TRAPPC3L: variants seen among roughly 807,000 people sequenced by gnomAD.
TRAPPC3L encodes the protein trafficking protein particle complex subunit 3L.
In TRAPPC3L, 23 loss-of-function variants were observed where a neutral mutation model predicts 23.7. That is an observed-to-expected ratio of 0.97 (90% CI 0.70 to 1.37). TRAPPC3L has a LOEUF of 1.37. TRAPPC3L is among the 40% of genes most tolerant of loss of function. The pLI, the probability that TRAPPC3L is intolerant of heterozygous loss-of-function variation, is 0.00. For synonymous variants in TRAPPC3L, 81 were observed against 77.9 expected (o/e 1.04, Z -0.21); for missense variants, 212 against 216.8 (o/e 0.98, Z 0.14).
chr6:116,511,942 G>A lies in TRAPPC3L; in HGVS notation c.241-11276C>T, dbSNP rs367981327. ...GGAGACTCTTCACAGGCTGCTGTGT[G>A]AATCCCAGGAAAATCTTTCCCAGAG... On this transcript the variant is annotated intron_variant, in intron 3 of 4. Transcript: ENST00000368602. 2.6e-4 allele frequency: 414 copies of A among 1,613,960 alleles called. 2 individuals are homozygous for A. The highest frequency in any genetic ancestry group is 1.2e-3 in the South Asian group (112 of 91,082).
intron 3 of TRAPPC3L, chr6:116,516,016 G>A (rs568261053): frequency 3.2e-6 from 5 of 1,554,246 alleles, no homozygotes; most frequent in African/African-American, 1.4e-5. Context: ...GACTCATGGT[G>A]TTGAGTGGCA....
At chr6:116,502,672 A>G (rs1456966907) in intron 3 of TRAPPC3L, among the ~76,000 whole-genome samples, 1 of 152,246 alleles carries the variant, frequency 6.6e-6, no homozygotes, top group African/African-American at 2.4e-5. Context: ...CTAACAGCAG[A>G]TTTCTTGGCA....
chr6:116,516,638 T>G (rs1489482278), intron 3 of TRAPPC3L: 1 of 143,880 alleles, frequency 7.0e-6, no homozygotes, highest in Non-Finnish European at 1.5e-5. Context: ...AACCATTTCC[T>G]ACATTCAAAA....
chr6:116,496,044 C>T lies in TRAPPC3L; in HGVS notation c.*910G>A, dbSNP rs527856764. 2 of 152,186 alleles carry T rather than the reference C, an allele frequency of 1.3e-5. No individual in the cohort carries two copies. Among genetic ancestry groups the T allele is most frequent in the Non-Finnish European group, 2.9e-5 (2 of 68,028 alleles). 9.4% of individuals were successfully genotyped at this position (152,186 alleles called of 1,614,324 possible). On this transcript the variant is annotated 3_prime_UTR_variant, in exon 5 of 5. Transcript: ENST00000368602. ...GGCTCTCTGCAGAGCCCAGTAGATT[C>T]TGGGCTGCCTTGTAGGCCGCCCTTG...
rs1005740529 is a variant in TRAPPC3L, at chr6:116,536,232, G to C, written c.240+4131C>G. The stretch of plus-strand genomic sequence containing the variant: ...AGGAATGAGACTTTATAATTAACTT[G>C]GCATCTTTTTTTTATATAAAATGCA... On this transcript the variant is annotated intron_variant, in intron 3 of 4. Transcript: ENST00000368602. Among the ~76,000 whole-genome samples, 7 of 151,992 alleles carry C rather than the reference G, an allele frequency of 4.6e-5. No homozygotes were observed. In the East Asian group the frequency reaches 1.3e-3, roughly 29 times the overall value.
chr6:116,505,692 C>G (rs1254118949), intron 3 of TRAPPC3L, among the ~76,000 whole-genome samples: 3 of 152,122 alleles, frequency 2.0e-5, no homozygotes, highest in Non-Finnish European at 2.9e-5. Flanking sequence ...TGGAACAGAA[C>G]AGAGGCCTCA....
chr6:116,543,352 A>G lies in TRAPPC3L; in HGVS notation c.91T>C (p.Cys31Arg), dbSNP rs749109693. The stretch of plus-strand genomic sequence containing the variant: ...TCTTCATCCTTCTCATAATCCTTAC[A>G]CAGCTGGGCAACCAGAGCTCCATAG... ...LTYGALVAQL[C>R]KDYEKDEDVN... is the part of the protein sequence containing the mutation. The change falls in exon 2 of 5, where the codon TGT becomes CGT. Residue 31 changes from cysteine (C) to arginine (R), a missense_variant. Cys to Arg is a radical substitution (Grantham distance 180). Transcript: ENST00000368602. The G allele has an allele frequency of 1.3e-6, 2 of 1,550,048 alleles. No homozygotes were observed. The highest frequency in any genetic ancestry group is 2.4e-5 in the South Asian group (2 of 83,968).
chr6:116,542,241 A>T (rs1773506187), intron 2 of TRAPPC3L, among the ~76,000 whole-genome samples: 1 of 152,180 alleles, frequency 6.6e-6, no homozygotes, highest in African/African-American at 2.4e-5. Flanking sequence ...ATCTATAGGT[A>T]GACAGTTGGG....
chr6:116,514,036 C>T (rs1772175342), intron 3 of TRAPPC3L, among the ~76,000 whole-genome samples: 1 of 152,100 alleles, frequency 6.6e-6, no homozygotes, highest in Admixed American at 6.6e-5. Context: ...TTCTGGTACA[C>T]AGTATTTGTT....
chr6:116,530,353 A>G (rs1417138340), intron 3 of TRAPPC3L, among the ~76,000 whole-genome samples: 2 of 152,212 alleles, frequency 1.3e-5, no homozygotes, highest in African/African-American at 4.8e-5. Context: ...CTCTGCTAAC[A>G]TTCTTTGAAA....
chr6:116,528,005 A>T (rs1006199581), intron 3 of TRAPPC3L, among the ~76,000 whole-genome samples: 4 of 152,262 alleles, frequency 2.6e-5, no homozygotes, highest in Non-Finnish European at 4.4e-5. Flanking sequence ...TAATAGAGCA[A>T]AAATGACATC....
At position 116,503,815 on chromosome 6, in the gene TRAPPC3L, A is replaced by T. The variant is rs550436976; in HGVS notation, c.241-3149T>A. Among the ~76,000 whole-genome samples the T allele has an allele frequency of 3.9e-5, 6 of 152,268 alleles. No individual in the cohort carries two copies. The South Asian group carries it at 1.2e-3, about 32-fold the overall frequency. On this transcript the variant is annotated intron_variant, in intron 3 of 4. Transcript: ENST00000368602. Reference sequence around the variant, plus strand: ...TGAAGGCAGAAATAAAGATGTTCTTAGAAACCAATGAGAAAAAAGGCACAA... The same window carrying T: ...TGAAGGCAGAAATAAAGATGTTCTTTGAAACCAATGAGAAAAAAGGCACAA...
intron 4 of TRAPPC3L, among the ~76,000 whole-genome samples, chr6:116,498,367 C>T (rs10485187): frequency 0.075 from 11,403 of 152,210 alleles, 498 homozygotes; most frequent in Admixed American, 0.13. Context: ...CTAGGGTAGA[C>T]GCATGGAGAA....
chr6:116,534,707 T>C (rs1772963960), intron 3 of TRAPPC3L, among the ~76,000 whole-genome samples: 1 of 151,408 alleles, frequency 6.6e-6, no homozygotes, highest in Admixed American at 6.6e-5. Flanking sequence ...CTATGATCAT[T>C]TCCTTGATTT....
At chr6:116,517,027 T>G (rs1772242204) in intron 3 of TRAPPC3L, 2 of 152,244 alleles carry the variant, frequency 1.3e-5, no homozygotes, top group Admixed American at 6.6e-5. Context: ...TGAGAGCAAT[T>G]TTCCAGGTTG....
intron 4 of TRAPPC3L, 155 bp from the exon 5 acceptor site, chr6:116,497,228 G>T (rs981197539): frequency 3.4e-6 from 3 of 894,020 alleles, no homozygotes; most frequent in South Asian, 1.7e-5. Context: ...AGTGTCCTCC[G>T]GAGATGGTCC....
chr6:116,534,307 T>A (rs907537101), intron 3 of TRAPPC3L, among the ~76,000 whole-genome samples: 4 of 152,228 alleles, frequency 2.6e-5, no homozygotes, highest in African/African-American at 9.6e-5. Context: ...AAGTGTCAAA[T>A]CAGTGCTTCA....
At chr6:116,511,514 G>A (rs1318961473) in intron 3 of TRAPPC3L, 3 of 595,552 alleles carry the variant, frequency 5.0e-6, no homozygotes, top group East Asian at 2.8e-5. Context: ...ACCAGTAGGA[G>A]GCATTATCTA....
intron 3 of TRAPPC3L, among the ~76,000 whole-genome samples, chr6:116,508,542 C>CAAGGGCTGAGATACTA: frequency 6.6e-6 from 1 of 152,094 alleles, no homozygotes; most frequent in Admixed American, 6.6e-5. Flanking sequence ...AGCATGAGGT[C>CAAGGGCTGAGATACTA]AAGGGCTGAG....
Sources: allele counts gnomAD v4.1 joint callset (sites outside exome capture counted in the v4.1 genomes callset), GRCh38; gene constraint gnomAD v4.1.1; transcripts MANE v1.5; gene names NCBI Gene and HGNC (gene_info 2026-07-23, HGNC 2026-07-21).